The following CDH12 variants were observed in gnomAD, a reference collection of about 807,000 sequenced individuals.
The protein encoded by CDH12 is cadherin-12.
In CDH12, 41 loss-of-function variants were observed where a neutral mutation model predicts 74.1. The observed-to-expected ratio is 0.55, with a 90% CI of 0.43 to 0.72. CDH12 has a LOEUF of 0.72. CDH12 is among the 30% of genes least tolerant of loss of function. CDH12 has a pLI of 0.00. For synonymous variants in CDH12, 399 were observed against 355.0 expected (o/e 1.12, Z -1.39); for missense variants, 945 against 977.2 (o/e 0.97, Z 0.44).
chr5:22,331,677 CA>C (rs1431716288), intron 3 of CDH12, among the ~76,000 whole-genome samples: 2 of 152,090 alleles, frequency 1.3e-5, no homozygotes, highest in African/African-American at 2.4e-5. Flanking sequence ...CATCAGAGAC[CA>C]AATACTGGAG....
At chr5:22,851,331 C>G (rs1293180223) in intron 1 of CDH12, among the ~76,000 whole-genome samples, 1 of 152,012 alleles carries the variant, frequency 6.6e-6, no homozygotes, top group East Asian at 1.9e-4. Context: ...TTAAAAACTT[C>G]CCCCTACTGC....
intron 3 of CDH12, among the ~76,000 whole-genome samples, chr5:22,328,208 A>G (rs2150443165): frequency 6.6e-6 from 1 of 152,324 alleles, no homozygotes; most frequent in South Asian, 2.1e-4. Context: ...GATCTTACTA[A>G]ATCAGTTTTT....
chr5:21,832,415 C>T (rs1319331126), intron 8 of CDH12, among the ~76,000 whole-genome samples: 1 of 152,074 alleles, frequency 6.6e-6, no homozygotes, highest in South Asian at 2.1e-4. Context: ...AACTCATGAT[C>T]TCCTTATAGG....
At position 21,802,122 on chromosome 5, in the gene CDH12, T is replaced by A. The variant is rs199588088; in HGVS notation, c.1256+45A>T. Reference sequence around the variant, plus strand: ...TTCTCTGGTTTTTGTTCTTGTTTTGTTTTGTTTTCCTGAAACATAGAAAAA... The same window carrying A: ...TTCTCTGGTTTTTGTTCTTGTTTTGATTTGTTTTCCTGAAACATAGAAAAA... On this transcript the variant is annotated intron_variant, in intron 10 of 14. Transcript: ENST00000382254. 5.0e-5 allele frequency: 78 copies of A among 1,568,052 alleles called. No individual in the cohort carries two copies. The African/African-American group carries it at 9.1e-4, about 18-fold the overall frequency.
At chr5:22,630,579 G>C (rs1738533998) in intron 1 of CDH12, among the ~76,000 whole-genome samples, 1 of 152,062 alleles carries the variant, frequency 6.6e-6, no homozygotes, top group Non-Finnish European at 1.5e-5. Flanking sequence ...TGGGATAATT[G>C]GCTAGCTATA....
chr5:22,006,597 T>G (rs1736972508), intron 5 of CDH12, among the ~76,000 whole-genome samples: 1 of 152,120 alleles, frequency 6.6e-6, no homozygotes, highest in African/African-American at 2.4e-5. Flanking sequence ...GTCTGAAGGC[T>G]TTAGTGAGTT....
At position 22,549,904 on chromosome 5, in the gene CDH12, T is replaced by G. The variant is rs115400164; in HGVS notation, c.-522-44540A>C. On this transcript the variant is annotated intron_variant, in intron 1 of 14. Transcript: ENST00000382254. ...CTCATACAGCAAAACTCGTGACAGC[T>G]CTAACTGTATTTGCTGTTCCTAGTT... Among the ~76,000 whole-genome samples, 510 of 152,326 alleles carry G rather than the reference T, an allele frequency of 3.3e-3. 4 individuals are homozygous for G. The highest frequency in any genetic ancestry group is 0.012 in the African/African-American group (481 of 41,576).
intron 1 of CDH12, among the ~76,000 whole-genome samples, chr5:22,689,165 C>G (rs1741957202): frequency 6.6e-6 from 1 of 152,072 alleles, no homozygotes; most frequent in South Asian, 2.1e-4. Context: ...CAGGATATTT[C>G]AATTACTTGG....
At chr5:21,780,348 T>C (rs1745835545) in intron 11 of CDH12, among the ~76,000 whole-genome samples, 1 of 152,214 alleles carries the variant, frequency 6.6e-6, no homozygotes, top group African/African-American at 2.4e-5. Flanking sequence ...ATTTTCTAAA[T>C]TGTTGAAGCT....
chr5:22,228,809 T>G (rs972461893), intron 3 of CDH12, among the ~76,000 whole-genome samples: 2 of 152,206 alleles, frequency 1.3e-5, no homozygotes, highest in South Asian at 2.1e-4. Context: ...TAAAAAAAAT[T>G]TATTCTTTCT....
intron 2 of CDH12, among the ~76,000 whole-genome samples, chr5:22,457,249 CA>C (rs552204325): frequency 7.9e-5 from 12 of 152,230 alleles, no homozygotes; most frequent in Admixed American, 2.6e-4. Context: ...TGGATCACAA[CA>C]AGAGAACTGT....
At chr5:22,086,020 A>T (rs1453054440) in intron 4 of CDH12, among the ~76,000 whole-genome samples, 2 of 152,204 alleles carry the variant, frequency 1.3e-5, no homozygotes, top group African/African-American at 4.8e-5. Flanking sequence ...ATGAGCATAC[A>T]TCCCTAATGC....
chr5:22,714,837 G>A (rs1743486538), intron 1 of CDH12, among the ~76,000 whole-genome samples: 1 of 152,092 alleles, frequency 6.6e-6, no homozygotes, highest in Non-Finnish European at 1.5e-5. Flanking sequence ...TTGAATTCTG[G>A]GGCTTAACAA....
At chr5:21,860,735 T>C (rs1165509995) in intron 6 of CDH12, among the ~76,000 whole-genome samples, 1 of 151,416 alleles carries the variant, frequency 6.6e-6, no homozygotes, top group Non-Finnish European at 1.5e-5. Flanking sequence ...GTTCTTTGGC[T>C]TTTGGACTCT....
chr5:22,237,907 C>T (rs1249876117), intron 3 of CDH12, among the ~76,000 whole-genome samples: 1 of 152,134 alleles, frequency 6.6e-6, no homozygotes, highest in East Asian at 1.9e-4. Flanking sequence ...TAAAATTGTT[C>T]TTCTTAATTC....
intron 3 of CDH12, among the ~76,000 whole-genome samples, chr5:22,276,735 G>T (rs938146999): frequency 2.0e-5 from 3 of 152,054 alleles, no homozygotes; most frequent in Non-Finnish European, 4.4e-5. Context: ...GGCCCAGGCT[G>T]GAGCGCAGTG....
intron 1 of CDH12, among the ~76,000 whole-genome samples, chr5:22,604,861 G>T (rs2883789): frequency 0.15 from 22,384 of 152,082 alleles, 2,150 homozygotes; most frequent in Admixed American, 0.33. Flanking sequence ...GAGAAATAAT[G>T]AAATACTCCC....
intron 5 of CDH12, among the ~76,000 whole-genome samples, chr5:22,017,951 A>T (rs1737707060): frequency 6.6e-6 from 1 of 151,828 alleles, no homozygotes; most frequent in African/African-American, 2.4e-5. Flanking sequence ...TAGAGACAAG[A>T]TTTCTTCATG....
chr5:22,350,283 A>G (rs531523753), intron 3 of CDH12, among the ~76,000 whole-genome samples: 1 of 152,202 alleles, frequency 6.6e-6, no homozygotes, highest in South Asian at 2.1e-4. Flanking sequence ...GATATATGTT[A>G]TTCTTAAATA....
Sources: allele counts gnomAD v4.1 joint callset (sites outside exome capture counted in the v4.1 genomes callset), GRCh38; gene constraint gnomAD v4.1.1; transcripts MANE v1.5; gene names NCBI Gene and HGNC (gene_info 2026-07-23, HGNC 2026-07-21).